MAP3K2: variants seen among roughly 807,000 people sequenced by gnomAD.
The protein encoded by MAP3K2 is mitogen-activated protein kinase kinase kinase 2, also known as MAP/ERK kinase kinase 2.
In MAP3K2, 24 loss-of-function variants were observed where a neutral mutation model predicts 80.3. The observed-to-expected ratio is 0.30, with a 90% CI of 0.22 to 0.42. MAP3K2 has a LOEUF of 0.42. MAP3K2 is among the 10% of genes least tolerant of loss of function. MAP3K2 has a pLI of 1.00. For synonymous variants in MAP3K2, 244 were observed against 253.7 expected, an observed-to-expected ratio of 0.96 and a Z score of 0.36; for missense variants, 608 against 750.1, an observed-to-expected ratio of 0.81 and a Z score of 2.21.
chr2:127,351,590 T>C lies in MAP3K2; in HGVS notation c.-65-8396A>G, dbSNP rs10209902. Among the ~76,000 whole-genome samples, 468 of 152,260 alleles carry C rather than the reference T, an allele frequency of 3.1e-3. 10 individuals carry two copies. Among genetic ancestry groups the C allele is most frequent in the African/African-American group, 0.011 (446 of 41,502 alleles). On this transcript the variant is annotated intron_variant, in intron 1 of 16. Transcript: ENST00000682094. ...TATTCCAATCCATTAGCAAATCCCATTAGCTTTCCCTTAAAAATATATTTC... is the reference window on the plus strand; with the variant it reads ...TATTCCAATCCATTAGCAAATCCCACTAGCTTTCCCTTAAAAATATATTTC...
upstream of MAP3K2, chr2:127,388,241 T>C (rs551694454): frequency 5.8e-6 from 5 of 863,402 alleles, no homozygotes; most frequent in Middle Eastern, 6.2e-4. Flanking sequence ...GCGCGGCGCA[T>C]ACGCACCTGG....
intron 14 of MAP3K2, among the ~76,000 whole-genome samples, chr2:127,315,590 A>G (rs1386887941): frequency 6.6e-6 from 1 of 152,188 alleles, no homozygotes; most frequent in Non-Finnish European, 1.5e-5. Flanking sequence ...ACTCACACCT[A>G]CAGTTCAGCA....
intron 5 of MAP3K2, among the ~76,000 whole-genome samples, chr2:127,333,205 G>A (rs2104835792): frequency 1.3e-5 from 2 of 148,828 alleles, no homozygotes; most frequent in Middle Eastern, 6.9e-3. Context: ...TACTTGGCTT[G>A]AACACCTCCA....
At chr2:127,357,528 G>T (rs1686817259) in intron 1 of MAP3K2, among the ~76,000 whole-genome samples, 1 of 152,058 alleles carries the variant, frequency 6.6e-6, no homozygotes, top group South Asian at 2.1e-4. Context: ...AAATGTGAAG[G>T]ACCTAGAAAT....
chr2:127,339,008 A>T lies in MAP3K2; in HGVS notation c.47T>A (p.Val16Asp). ...ALNSIMQDLA[V>D]LHKASRPALS... ...TGCTGGTCGACTGGCCTTATGAAGGACAGCCAAATCTTGCATGATTGAGTT... is the reference window on the plus strand; with the variant it reads ...TGCTGGTCGACTGGCCTTATGAAGGTCAGCCAAATCTTGCATGATTGAGTT... Residue 16 changes from valine (V) to aspartate (D), a missense_variant, in exon 3 of 17, where the codon GTC becomes GAC. Around this residue, in one of 4 missense-constraint regions of MAP3K2, gnomAD observed 467 missense variants for 521.9 expected, o/e 0.89. Transcript: ENST00000682094. The surrounding 1 kb of genome is among the most constrained non-coding windows in gnomAD (Gnocchi z 4.2). 1.9e-6 allele frequency: 3 copies of T among 1,612,804 alleles called. No homozygotes were observed. The highest frequency in any genetic ancestry group is 2.5e-6 in the Non-Finnish European group (3 of 1,179,384).
intron 1 of MAP3K2, among the ~76,000 whole-genome samples, chr2:127,375,890 T>G (rs1687143443): frequency 6.6e-6 from 1 of 151,964 alleles, no homozygotes; most frequent in Non-Finnish European, 1.5e-5. Context: ...AGTAACAATA[T>G]AGGTCACTCC....
At chr2:127,360,021 T>C (rs1481548336) in intron 1 of MAP3K2, among the ~76,000 whole-genome samples, 1 of 152,162 alleles carries the variant, frequency 6.6e-6, no homozygotes, top group East Asian at 1.9e-4. Context: ...ACGTATTTAC[T>C]CAAGAAAAAT....
chr2:127,371,540 T>G (rs1318360682), intron 1 of MAP3K2, among the ~76,000 whole-genome samples: 1 of 152,178 alleles, frequency 6.6e-6, no homozygotes, highest in African/African-American at 2.4e-5. Context: ...TGATATCTTG[T>G]TACAATTGGC....
At position 127,300,182 on chromosome 2, in the gene MAP3K2, TAAAG is replaced by T. The variant is rs1440826286; in HGVS notation, c.*7393_*7396del. On this transcript the variant is annotated 3_prime_UTR_variant, in exon 17 of 17. Transcript: ENST00000682094. Reference sequence around the variant, plus strand: ...CTACATCTTGAAAGAAGTTAAAACATAAAGACACAGACAGTAGTTCAATGCACGC... The same window carrying T: ...CTACATCTTGAAAGAAGTTAAAACATACACAGACAGTAGTTCAATGCACGC... 1 of 152,108 alleles carries T rather than the reference TAAAG, an allele frequency of 6.6e-6. No homozygotes were observed. Among genetic ancestry groups the T allele is most frequent in the Non-Finnish European group, 1.5e-5 (1 of 67,966 alleles). The allele number at this position is 152,108 out of a possible 1,614,324, so 9.4% of individuals were successfully genotyped here.
intron 16 of MAP3K2, among the ~76,000 whole-genome samples, chr2:127,308,219 T>C (rs1414529608): frequency 1.3e-5 from 2 of 152,158 alleles, no homozygotes; most frequent in African/African-American, 4.8e-5. Context: ...TAACTTAAAA[T>C]TATAAAAGAA....
chr2:127,311,356 CTG>C (rs1477658877), intron 15 of MAP3K2, among the ~76,000 whole-genome samples: 1 of 152,148 alleles, frequency 6.6e-6, no homozygotes, highest in Non-Finnish European at 1.5e-5. Flanking sequence ...AAGCAGGGCT[CTG>C]ATAGGGGAAG....
rs1390329644 is a variant in MAP3K2 at position 127,303,687 on chromosome 2, C to T, written c.*3892G>A. ...TTAAGGATGTTAATTTAGTACCTGA[C>T]ATAATAAGTTACAATTATTGAACAA... On this transcript the variant is annotated 3_prime_UTR_variant, in exon 17 of 17. Transcript: ENST00000682094. 1 of 151,602 alleles carries T rather than the reference C, an allele frequency of 6.6e-6. No homozygotes were observed. The highest frequency in any genetic ancestry group is 1.5e-5 in the Non-Finnish European group (1 of 67,794). 9.4% of individuals were successfully genotyped at this position (151,602 alleles called of 1,614,324 possible). A position where few individuals can be genotyped will look rare whatever the true frequency, so the allele number is the denominator to read the frequency against.
chr2:127,350,545 T>C (rs1349068249), intron 1 of MAP3K2, among the ~76,000 whole-genome samples: 1 of 151,716 alleles, frequency 6.6e-6, no homozygotes, highest in African/African-American at 2.4e-5. Context: ...GAGAAAGCTT[T>C]TTCTTACAGT....
rs1427697468 is a variant in MAP3K2 at position 127,304,924 on chromosome 2, T to C, written c.*2655A>G. 6.6e-6 allele frequency: 1 copy of C among 152,554 alleles called. No individual in the cohort carries two copies. Among genetic ancestry groups the C allele is most frequent in the Non-Finnish European group, 1.5e-5 (1 of 68,000 alleles). The allele number at this position is 152,554 out of a possible 1,614,324, so 9.5% of individuals were successfully genotyped here. A position where few individuals can be genotyped will look rare whatever the true frequency, so the allele number is the denominator to read the frequency against. On this transcript the variant is annotated 3_prime_UTR_variant, in exon 17 of 17. Transcript: ENST00000682094. ...TTTATATAATAACTCTGTAAACTAT[T>C]AGTCTATTTTTAAGTCTTTACATAA...
At chr2:127,341,618 C>T (rs994667489) in intron 2 of MAP3K2, among the ~76,000 whole-genome samples, 15 of 148,838 alleles carry the variant, frequency 1.0e-4, no homozygotes, top group East Asian at 2.0e-4. Flanking sequence ...CTACAAGATC[C>T]GCCTCCTGGG....
Position 127,305,799 on chromosome 2 carries a change from A to C in MAP3K2, c.*1780T>G, listed in dbSNP as rs1469613085. The C allele has an allele frequency of 6.6e-6, 1 of 152,094 alleles. No individual in the cohort carries two copies. The highest frequency in any genetic ancestry group is 2.4e-5 in the African/African-American group (1 of 41,426). 9.4% of individuals were successfully genotyped at this position (152,094 alleles called of 1,614,324 possible). ...TTTTATAGTAGCACAATTCTATTAG[A>C]GATAGTGGGGCCTTTCCCAGCTGTC... On this transcript the variant is annotated 3_prime_UTR_variant, in exon 17 of 17. Transcript: ENST00000682094.
chr2:127,382,350 T>C (rs1218717107), intron 1 of MAP3K2, among the ~76,000 whole-genome samples: 1 of 152,198 alleles, frequency 6.6e-6, no homozygotes, highest in Non-Finnish European at 1.5e-5. Flanking sequence ...CAAGTATATC[T>C]CATTTTATTG....
intron 1 of MAP3K2, among the ~76,000 whole-genome samples, chr2:127,354,904 CA>C (rs1381809986): frequency 6.6e-6 from 1 of 151,836 alleles, no homozygotes; most frequent in East Asian, 1.9e-4. Context: ...GAAATTTTTA[CA>C]GATAAAAAAT....
chr2:127,324,260 A>C lies in MAP3K2; in HGVS notation c.678-19T>G. 6.9e-7 allele frequency: 1 copy of C among 1,452,944 alleles called. No homozygotes were observed. The highest frequency in any genetic ancestry group is 9.3e-7 in the Non-Finnish European group (1 of 1,070,052). 90.0% of individuals were successfully genotyped at this position (1,452,944 alleles called of 1,614,324 possible). A position where few individuals can be genotyped will look rare whatever the true frequency, so the allele number is the denominator to read the frequency against. On this transcript the variant is annotated intron_variant, in intron 9 of 16. Coordinates refer to ENST00000682094, the MANE Select transcript of MAP3K2 (RefSeq NM_001371910.2). ...GCTCTCTCTATAAAGAAAAAACATC[A>C]CATTAAGTTTACAGAAAGAACGTAA...
Sources: gnomAD v4.1 joint callset for allele counts (sites outside exome capture counted in the v4.1 genomes callset) on GRCh38, gnomAD v4.1.1 for gene constraint, gnomAD v4.1.1 regional missense constraint, Gnocchi (gnomAD v3.1) non-coding constraint, MANE v1.5 for transcripts, NCBI Gene and HGNC (gene_info 2026-07-23, HGNC 2026-07-21) for gene names.